MDGA2: variants seen among roughly 807,000 people sequenced by gnomAD.
The protein encoded by MDGA2 is MAM domain-containing glycosylphosphatidylinositol anchor protein 2.
Under a neutral mutation model 117.8 loss-of-function variants are expected in MDGA2, and 40 were observed. The observed-to-expected ratio is 0.34, with a 90% CI of 0.26 to 0.44. The LOEUF (loss-of-function observed/expected upper bound fraction) is 0.44. Among genes scored for constraint, MDGA2 ranks in the 20% least tolerant of loss-of-function variants. The probability of loss-of-function intolerance (pLI) is 1.00; values close to 1 mark genes in which losing one functional copy is unlikely to be tolerated. For missense variants in MDGA2, 1,123 were observed against 1,250.6 expected (o/e 0.90, Z 1.54); for synonymous variants, 452 against 439.0 (o/e 1.03, Z -0.37).
At chr14:47,110,218 A>G (rs1880964200) in intron 5 of MDGA2, among the ~76,000 whole-genome samples, 1 of 152,136 alleles carries the variant, frequency 6.6e-6, no homozygotes, top group Non-Finnish European at 1.5e-5. Context: ...TTATTTGTTC[A>G]TTTATACCAT....
In MDGA2 at chr14:47,272,173, T is replaced by C. The variant is rs527344403; in HGVS notation, c.420+29238A>G. On this transcript the variant is annotated intron_variant, in intron 2 of 16. Coordinates refer to ENST00000399232, the MANE Select transcript of MDGA2 (RefSeq NM_001113498.3). ...AAGGAAACAACTAATGAAAGAGCAA[T>C]TGTTAATTTCGTTGAGACCTAACTA... Among the ~76,000 whole-genome samples the C allele has an allele frequency of 7.8e-4, 118 of 152,140 alleles. 2 individuals are homozygous for C. The South Asian group carries it at 0.021, about 28-fold the overall frequency.
At chr14:47,435,049 T>C (rs1451783092) in intron 1 of MDGA2, among the ~76,000 whole-genome samples, 1 of 152,020 alleles carries the variant, frequency 6.6e-6, no homozygotes, top group East Asian at 1.9e-4. Flanking sequence ...GGCAGGAGAA[T>C]TGCTTGAACC....
chr14:46,959,782 A>T (rs1426911989), intron 8 of MDGA2, among the ~76,000 whole-genome samples: 7 of 152,300 alleles, frequency 4.6e-5, no homozygotes, highest in African/African-American at 1.7e-4. Flanking sequence ...AGCTTGCAAC[A>T]TGCATACTTA....
chr14:47,200,985 G>A, intron 3 of MDGA2: 1 of 829,232 alleles, frequency 1.2e-6, no homozygotes, highest in Non-Finnish European at 2.1e-6. Context: ...AAATGTTGAT[G>A]CCTTCGCAGC....
intron 6 of MDGA2, among the ~76,000 whole-genome samples, chr14:47,067,665 A>G (rs933116071): frequency 3.2e-4 from 48 of 152,334 alleles, no homozygotes; most frequent in Middle Eastern, 3.4e-3. Context: ...TGAAATGTAC[A>G]TTTTGCAATA....
intron 1 of MDGA2, among the ~76,000 whole-genome samples, chr14:47,354,566 C>T (rs1342566343): frequency 6.6e-6 from 1 of 152,192 alleles, no homozygotes; most frequent in Non-Finnish European, 1.5e-5. Flanking sequence ...CGCTACTCCA[C>T]CTCTAAATGC....
At chr14:47,271,247 AT>A (rs754784219) in intron 2 of MDGA2, among the ~76,000 whole-genome samples, 12 of 152,016 alleles carry the variant, frequency 7.9e-5, no homozygotes, top group Admixed American at 4.6e-4. Flanking sequence ...CCTTCTTTTT[AT>A]TTTTAATATT....
intron 1 of MDGA2, among the ~76,000 whole-genome samples, chr14:47,412,841 G>A (rs1892401566): frequency 6.6e-6 from 1 of 152,128 alleles, no homozygotes; most frequent in Non-Finnish European, 1.5e-5. Context: ...TCAGAAAAGG[G>A]CCTTTGAGCT....
chr14:46,908,637 A>G (rs953601156), intron 10 of MDGA2, among the ~76,000 whole-genome samples: 1 of 152,124 alleles, frequency 6.6e-6, no homozygotes, highest in African/African-American at 2.4e-5. Flanking sequence ...CATCCTCAAA[A>G]TATATAGATT....
intron 2 of MDGA2, among the ~76,000 whole-genome samples, chr14:47,221,841 A>G (rs1347146959): frequency 6.6e-6 from 1 of 151,902 alleles, no homozygotes; most frequent in Non-Finnish European, 1.5e-5. Flanking sequence ...GCAAATATAT[A>G]TATGTGTGTA....
intron 1 of MDGA2, among the ~76,000 whole-genome samples, chr14:47,586,532 A>T (rs1242683719): frequency 1.3e-5 from 2 of 151,994 alleles, no homozygotes; most frequent in African/African-American, 4.8e-5. Context: ...ATATCTGCAG[A>T]CATCAGGACT....
intron 7 of MDGA2, among the ~76,000 whole-genome samples, chr14:47,056,842 A>T (rs1889692437): frequency 6.6e-6 from 1 of 152,164 alleles, no homozygotes; most frequent in Admixed American, 6.6e-5. Context: ...AACTTTCATC[A>T]AAATTTTAGG....
chr14:47,600,871 T>C (rs927520627), intron 1 of MDGA2, among the ~76,000 whole-genome samples: 2 of 152,170 alleles, frequency 1.3e-5, no homozygotes, highest in Admixed American at 6.5e-5. Context: ...AGGTTTCCCA[T>C]GATTTAATGA....
At chr14:47,501,257 A>G (rs1287734224) in intron 1 of MDGA2, among the ~76,000 whole-genome samples, 1 of 152,182 alleles carries the variant, frequency 6.6e-6, no homozygotes, top group Non-Finnish European at 1.5e-5. Flanking sequence ...GGACAAGTAA[A>G]TCAGTTTCTT....
intron 1 of MDGA2, among the ~76,000 whole-genome samples, chr14:47,375,259 A>G (rs1296827294): frequency 6.6e-6 from 1 of 151,766 alleles, no homozygotes; most frequent in Non-Finnish European, 1.5e-5. Flanking sequence ...TTAGCCTACA[A>G]CTTCCATCTT....
intron 6 of MDGA2, among the ~76,000 whole-genome samples, chr14:47,093,972 T>G (rs1879818075): frequency 6.6e-6 from 1 of 151,916 alleles, no homozygotes; most frequent in Non-Finnish European, 1.5e-5. Context: ...ACACAATTAA[T>G]CTAAGACTCA....
intron 9 of MDGA2, among the ~76,000 whole-genome samples, chr14:46,952,277 T>C (rs1035575593): frequency 8.6e-5 from 13 of 151,964 alleles, no homozygotes; most frequent in African/African-American, 2.9e-4. Context: ...GGAAGTCTCC[T>C]CAAAAAGAAG....
chr14:46,971,661 T>C (rs1028540352), intron 8 of MDGA2, among the ~76,000 whole-genome samples: 4 of 151,978 alleles, frequency 2.6e-5, no homozygotes, highest in East Asian at 1.9e-4. Context: ...AGAGAGAGTA[T>C]AGTTAGCAAC....
chr14:46,846,158 TC>T (rs1345526421), intron 15 of MDGA2, among the ~76,000 whole-genome samples: 1 of 152,116 alleles, frequency 6.6e-6, no homozygotes, highest in Non-Finnish European at 1.5e-5. Flanking sequence ...CTACACATCC[TC>T]TTTTAATTTT....
Sources: gnomAD v4.1 joint callset for allele counts (sites outside exome capture counted in the v4.1 genomes callset) on GRCh38, gnomAD v4.1.1 for gene constraint, MANE v1.5 for transcripts, NCBI Gene and HGNC (gene_info 2026-07-23, HGNC 2026-07-21) for gene names.